The following CRTAP variants were observed in gnomAD, a reference collection of about 807,000 sequenced individuals.
CRTAP encodes cartilage associated protein, also known as cartilage-associated protein.
Under a neutral mutation model 42.7 loss-of-function variants are expected in CRTAP, and 33 were observed. The ratio of observed to expected loss-of-function variants is 0.77; its 90% CI spans 0.59 to 1.03. The LOEUF (loss-of-function observed/expected upper bound fraction) is 1.03, where lower values mean the gene tolerates loss of function less well. CRTAP is among the 50% of genes least tolerant of loss of function. The probability of loss-of-function intolerance (pLI) is 0.00; values close to 1 mark genes in which losing one functional copy is unlikely to be tolerated. For missense variants in CRTAP, 613 were observed against 533.9 expected, an observed-to-expected ratio of 1.15 and a Z score of -1.46; for synonymous variants, 243 against 217.7, an observed-to-expected ratio of 1.12 and a Z score of -1.02.
At chr3:33,129,896 G>C in intron 3 of CRTAP, 43 bp from the exon 4 acceptor site, 1 of 1,593,908 alleles carries the variant, frequency 6.3e-7, no homozygotes, top group Non-Finnish European at 8.6e-7. Context: ...TATTAAGAAA[G>C]TAATGGATCC....
intron 3 of CRTAP, among the ~76,000 whole-genome samples, chr3:33,126,136 C>G (rs1398724026): frequency 2.0e-5 from 3 of 152,190 alleles, no homozygotes; most frequent in Non-Finnish European, 4.4e-5. Context: ...TCCCCTTCCC[C>G]CCAGCCACTG....
In CRTAP at chr3:33,114,310, G is replaced by A. The variant is rs372600896; in HGVS notation, c.233G>A (p.Arg78His). 2.0e-5 allele frequency: 31 copies of A among 1,552,418 alleles called. No individual in the cohort carries two copies. The African/African-American group carries it at 3.8e-4, about 19-fold the overall frequency. ...EISLRLHRLL[R>H]DSEAFCHRNC... ...AGCCTGCGGCTGCACCGCTTGCTGC[G>A]CGACAGCGAGGCCTTCTGCCACCGC... The change falls in exon 1 of 7, where the codon CGC becomes CAC. Residue 78 changes from arginine to histidine, a missense_variant. Physicochemically the swap from Arg to His is conservative, Grantham distance 29 (BLOSUM62 0). Coordinates refer to ENST00000320954, the MANE Select transcript of CRTAP (RefSeq NM_006371.5).
intron 5 of CRTAP, among the ~76,000 whole-genome samples, 198 bp downstream of exon 5, chr3:33,132,898 T>C (rs964520377): frequency 1.3e-5 from 2 of 152,020 alleles, no homozygotes; most frequent in East Asian, 1.9e-4. Flanking sequence ...GCCAACACGG[T>C]GAAACCCCAT....
At chr3:33,117,951 CCTTTCTTTCTTT>C (rs199592277) in intron 1 of CRTAP, among the ~76,000 whole-genome samples, 29 of 143,720 alleles carry the variant, frequency 2.0e-4, no homozygotes, top group African/African-American at 6.7e-4. Context: ...TCTTTCTATT[CCTTTCTTTCTTT>C]CTTTCTTTCT....
Position 33,143,767 on chromosome 3 carries a change from A to C in CRTAP, c.*1319A>C, listed in dbSNP as rs2030646078. 6.6e-6 allele frequency: 1 copy of C among 152,198 alleles called. No individual in the cohort carries two copies. The highest frequency in any genetic ancestry group is 2.4e-5 in the African/African-American group (1 of 41,440). The allele number at this position is 152,198 out of a possible 1,614,324, so 9.4% of individuals were successfully genotyped here. On this transcript the variant is annotated 3_prime_UTR_variant, in exon 7 of 7. Transcript: ENST00000320954. ...GAATGTGACGTTGAGCAGAGACGTT[A>C]GGGAAGTGGATCCTGGACAAGGCAT...
At chr3:33,122,955 GT>G (rs1444916624) in intron 2 of CRTAP, among the ~76,000 whole-genome samples, 1 of 151,864 alleles carries the variant, frequency 6.6e-6, no homozygotes, top group Non-Finnish European at 1.5e-5. Context: ...CTTGGTCCTA[GT>G]TTATTTCTCT....
chr3:33,123,617 C>G (rs977140613), intron 2 of CRTAP, among the ~76,000 whole-genome samples: 1 of 138,386 alleles, frequency 7.2e-6, no homozygotes, highest in Non-Finnish European at 1.5e-5. Context: ...ATAAATTACC[C>G]AGTCTCGGTT....
In CRTAP at chr3:33,129,568, T is replaced by C. The variant is rs564802408; in HGVS notation, c.794-371T>C. ...TTTTTTTTTTTTGGAGACGGAGTCT[T>C]GCTCTGTTGCCCAGGCTGGAGTGCA... On this transcript the variant is annotated intron_variant, in intron 3 of 6. Transcript: ENST00000320954. Among the ~76,000 whole-genome samples, 26 of 148,512 alleles carry C rather than the reference T, an allele frequency of 1.8e-4. No homozygotes were observed. In the South Asian group the frequency reaches 2.8e-3, roughly 16 times the overall value.
chr3:33,124,327 G>A lies in CRTAP; in HGVS notation c.622-81G>A, dbSNP rs145267227. On this transcript the variant is annotated intron_variant, in intron 2 of 6. Transcript: ENST00000320954. ...GCTAATGAGAGCTAGCTTGGTGGTG[G>A]TCTTGGTTCCCTTTGAGATTTCATG... 1,425 of 1,559,008 alleles carry A rather than the reference G, an allele frequency of 9.1e-4. 9 individuals are homozygous for A. In the African/African-American group the frequency reaches 0.016, roughly 18 times the overall value.
intron 3 of CRTAP, 69 bp downstream of exon 3, chr3:33,124,648 G>A (rs1575516287): frequency 6.3e-7 from 1 of 1,580,012 alleles, no homozygotes; most frequent in Non-Finnish European, 8.7e-7. Flanking sequence ...GTTTCTGCCT[G>A]CATGCCTGCT....
intron 3 of CRTAP, among the ~76,000 whole-genome samples, chr3:33,127,551 A>G (rs536303118): frequency 2.6e-5 from 4 of 151,804 alleles, no homozygotes; most frequent in Non-Finnish European, 4.4e-5. Context: ...AGGTTCAGGC[A>G]ATCCTCCTGC....
At position 33,120,371 on chromosome 3, in the gene CRTAP, G is replaced by T; in HGVS notation, c.499G>T (p.Ala167Ser). ...AAATAATCTCCCCAAAGCCATCGCCGCTGCTCACACCTTTCTACTGAAGCA... is the reference window on the plus strand; with the variant it reads ...AAATAATCTCCCCAAAGCCATCGCCTCTGCTCACACCTTTCTACTGAAGCA... Reference protein sequence around the residue: ...KANNLPKAIAAAHTFLLKHPD... With the variant: ...KANNLPKAIASAHTFLLKHPD... The change falls in exon 2 of 7, where the codon GCT becomes TCT. Residue 167 changes from alanine (A) to serine (S), a missense_variant. Coordinates refer to ENST00000320954, the MANE Select transcript of CRTAP (RefSeq NM_006371.5). The T allele has an allele frequency of 6.2e-7, 1 of 1,614,114 alleles. No individual in the cohort carries two copies. Among genetic ancestry groups the T allele is most frequent in the Non-Finnish European group, 8.5e-7 (1 of 1,179,980 alleles).
At position 33,131,418 on chromosome 3, in the gene CRTAP, G is replaced by A. The variant is rs1377757610; in HGVS notation, c.923-1137G>A. Among the ~76,000 whole-genome samples the A allele has an allele frequency of 3.9e-5, 6 of 152,288 alleles. No homozygotes were observed. In the South Asian group the frequency reaches 1.0e-3, roughly 26 times the overall value. On this transcript the variant is annotated intron_variant, in intron 4 of 6. Transcript: ENST00000320954. ...CACTGAGCATGGCTTGGTTCTAAAT[G>A]TATAAAGCTAGAACACTAGGAATTT...
chr3:33,129,294 C>T (rs2030167450), intron 3 of CRTAP, among the ~76,000 whole-genome samples: 1 of 152,114 alleles, frequency 6.6e-6, no homozygotes. Flanking sequence ...CTTAATACTA[C>T]AGTATGAATT....
rs1260665822 is a variant in CRTAP, at chr3:33,147,613, A to T, written c.*5165A>T. 6.6e-6 allele frequency: 1 copy of T among 152,272 alleles called. No homozygotes were observed. Among genetic ancestry groups the T allele is most frequent in the Non-Finnish European group, 1.5e-5 (1 of 68,052 alleles). The allele number at this position is 152,272 out of a possible 1,614,324, so 9.4% of individuals were successfully genotyped here. A position where few individuals can be genotyped will look rare whatever the true frequency, so the allele number is the denominator to read the frequency against. On this transcript the variant is annotated 3_prime_UTR_variant, in exon 7 of 7. Transcript: ENST00000320954. ...CTCCCACTTTAGGGTGGCAGCCAGT[A>T]GGCCAAACTCCAAAGACCGTTGCTG... is the stretch of plus-strand genomic sequence containing the variant.
In CRTAP at chr3:33,114,561, C is replaced by CGCCCCGTCCCAGGCCCCG. The variant is rs1701321939; in HGVS notation, c.471+20_471+37dup. The CGCCCCGTCCCAGGCCCCG allele has an allele frequency of 1.3e-6, 2 of 1,564,156 alleles. No individual in the cohort carries two copies. The highest frequency in any genetic ancestry group is 1.7e-6 in the Non-Finnish European group (2 of 1,155,154). Reference sequence around the variant, plus strand: ...CGCTTACTTCAAGGCAAGTCCGCCTCGCCCCGTCCCAGGCCCCGGCCCCGC... The same window carrying CGCCCCGTCCCAGGCCCCG: ...CGCTTACTTCAAGGCAAGTCCGCCTCGCCCCGTCCCAGGCCCCGGCCCCGTCCCAGGCCCCGGCCCCGC... On this transcript the variant is annotated intron_variant, in intron 1 of 6. Coordinates refer to ENST00000320954, the MANE Select transcript of CRTAP (RefSeq NM_006371.5).
Position 33,143,530 on chromosome 3 carries a change from A to G in CRTAP, c.*1082A>G, listed in dbSNP as rs375958157. ...AGTACCTACTGTGTGCTAGGCATTG[A>G]CCTGGGAACTAGAGATACTTCACAG... On this transcript the variant is annotated 3_prime_UTR_variant, in exon 7 of 7. Coordinates refer to ENST00000320954, the MANE Select transcript of CRTAP (RefSeq NM_006371.5). The G allele has an allele frequency of 2.6e-5, 3 of 117,414 alleles. No homozygotes were observed. Among genetic ancestry groups the G allele is most frequent in the East Asian group, 4.0e-4 (2 of 5,022 alleles). The allele number at this position is 117,414 out of a possible 1,614,324, so 7.3% of individuals were successfully genotyped here. A position where few individuals can be genotyped will look rare whatever the true frequency, so the allele number is the denominator to read the frequency against.
Position 33,142,536 on chromosome 3 carries a change from C to A in CRTAP, c.*88C>A. 1 of 1,261,850 alleles carries A rather than the reference C, an allele frequency of 7.9e-7. No individual in the cohort carries two copies. Among genetic ancestry groups the A allele is most frequent in the Non-Finnish European group, 1.2e-6 (1 of 862,424 alleles). 78.2% of individuals were successfully genotyped at this position (1,261,850 alleles called of 1,614,324 possible). A position where few individuals can be genotyped will look rare whatever the true frequency, so the allele number is the denominator to read the frequency against. On this transcript the variant is annotated 3_prime_UTR_variant, in exon 7 of 7. Transcript: ENST00000320954. ...CCAACAGCCCAGGCTGTTGATACCT[C>A]AGAGCCTTCTCTTTACTCTCCAAAG...
intron 1 of CRTAP, 137 bp downstream of exon 1, chr3:33,114,685 A>T (rs1018397237): frequency 5.2e-6 from 4 of 762,970 alleles, no homozygotes; most frequent in Non-Finnish European, 6.3e-6. Flanking sequence ...GCCCTGCCAA[A>T]GGTCTCCTCC....
Sources: allele counts gnomAD v4.1 joint callset (sites outside exome capture counted in the v4.1 genomes callset), GRCh38; gene constraint gnomAD v4.1.1; transcripts MANE v1.5; gene names NCBI Gene and HGNC (gene_info 2026-07-23, HGNC 2026-07-21).